Variants in RIPOR2 observed in about 807,000 individuals in gnomAD.
RIPOR2 encodes rho family-interacting cell polarization regulator 2.
In RIPOR2, 39 loss-of-function variants were observed where a neutral mutation model predicts 114.5. That is an observed-to-expected ratio of 0.34 (90% CI 0.26 to 0.44). The LOEUF is 0.44. Among genes scored for constraint, RIPOR2 ranks in the 20% least tolerant of loss-of-function variants. The pLI, the probability that RIPOR2 is intolerant of heterozygous loss-of-function variation, is 1.00. For missense variants in RIPOR2, 1,007 were observed against 1,255.1 expected, an observed-to-expected ratio of 0.80 and a Z score of 2.99; for synonymous variants, 445 against 484.4, an observed-to-expected ratio of 0.92 and a Z score of 1.07.
At chr6:25,010,331 C>T (rs947672233) in intron 1 of RIPOR2, among the ~76,000 whole-genome samples, 2 of 152,108 alleles carry the variant, frequency 1.3e-5, no homozygotes, top group Non-Finnish European at 2.9e-5. Flanking sequence ...CCCCTTTCCT[C>T]CTCTGTCACC....
At chr6:24,925,361 C>A (rs1212060846) in intron 1 of RIPOR2, among the ~76,000 whole-genome samples, 1 of 152,172 alleles carries the variant, frequency 6.6e-6, no homozygotes, top group African/African-American at 2.4e-5. Context: ...TTGCATAGGG[C>A]AGATGATGCT....
At chr6:24,890,051 G>A (rs980619047) in intron 1 of RIPOR2, among the ~76,000 whole-genome samples, 2 of 151,922 alleles carry the variant, frequency 1.3e-5, no homozygotes, top group Admixed American at 6.6e-5. Flanking sequence ...GCGCCACCAC[G>A]CCTGGCTAAT....
At chr6:25,014,850 G>C (rs1350377337) in intron 1 of RIPOR2, 3 of 152,182 alleles carry the variant, frequency 2.0e-5, no homozygotes, top group East Asian at 3.8e-4. Flanking sequence ...GAGCCCACGA[G>C]TGTGTGAGAA....
chr6:24,903,253 A>G (rs775052532), intron 1 of RIPOR2, among the ~76,000 whole-genome samples: 1 of 152,234 alleles, frequency 6.6e-6, no homozygotes, highest in African/African-American at 2.4e-5. Flanking sequence ...AAGAGTTAGT[A>G]TTCCAGCCAA....
At chr6:24,953,113 C>A (rs191058268) in intron 1 of RIPOR2, among the ~76,000 whole-genome samples, 1 of 152,290 alleles carries the variant, frequency 6.6e-6, no homozygotes, top group Admixed American at 6.5e-5. Context: ...GCGGGCGGAT[C>A]ACCTGAGGTC....
intron 1 of RIPOR2, among the ~76,000 whole-genome samples, chr6:24,979,844 C>T (rs1187312545): frequency 6.6e-6 from 1 of 152,084 alleles, no homozygotes; most frequent in Admixed American, 6.5e-5. Flanking sequence ...TTGTAAGTAA[C>T]CAGTCTCTTA....
intron 1 of RIPOR2, among the ~76,000 whole-genome samples, chr6:24,945,814 A>G (rs1381444582): frequency 6.6e-6 from 1 of 152,142 alleles, no homozygotes; most frequent in Non-Finnish European, 1.5e-5. Context: ...TTTAGCACAA[A>G]TAATTCAGTG....
intron 4 of RIPOR2, among the ~76,000 whole-genome samples, chr6:24,871,394 C>T (rs968706227): frequency 6.6e-6 from 1 of 152,208 alleles, no homozygotes; most frequent in Non-Finnish European, 1.5e-5. Flanking sequence ...CTCTTTTGCC[C>T]AGGCTGGAGT....
intron 10 of RIPOR2, 35 bp from the exon 11 acceptor site, chr6:24,849,985 T>C (rs768627174): frequency 6.3e-7 from 1 of 1,586,724 alleles, no homozygotes; most frequent in Admixed American, 1.7e-5. Flanking sequence ...AGGCCTTACA[T>C]CACAGCAGAG....
chr6:24,818,700 C>T, intron 19 of RIPOR2, 75 bp from the exon 20 acceptor site: 1 of 830,268 alleles, frequency 1.2e-6, no homozygotes, highest in East Asian at 2.8e-5. Flanking sequence ...CATTCTTACT[C>T]TCTGAGATAA....
chr6:24,866,508 A>T (rs1025137449), intron 6 of RIPOR2, among the ~76,000 whole-genome samples: 1 of 131,900 alleles, frequency 7.6e-6, no homozygotes, highest in Non-Finnish European at 1.6e-5. Flanking sequence ...CAGTAGTGCT[A>T]GGGTTGAAAA....
chr6:25,032,103 G>A (rs1777013623), intron 1 of RIPOR2, among the ~76,000 whole-genome samples: 1 of 151,148 alleles, frequency 6.6e-6, no homozygotes, highest in African/African-American at 2.4e-5. Context: ...GAAGAGCTGA[G>A]CTCTTGGGGT....
rs560772323 is a variant in RIPOR2, at chr6:24,869,628, A to AT, written c.448-482dup. 3.8e-3 allele frequency among the ~76,000 whole-genome samples: 574 copies of AT among 152,124 alleles called. 2 individuals are homozygous for AT. Among genetic ancestry groups the AT allele is most frequent in the Middle Eastern group, 0.01 (3 of 294 alleles). On this transcript the variant is annotated intron_variant, in intron 5 of 21. Transcript: ENST00000643898. ...CCACCATGCCCGGCCCTGGAAATTT[A>AT]TTTTTTTAATATTGAATAAATATTT...
chr6:24,841,721 G>A (rs1315118891), intron 13 of RIPOR2, among the ~76,000 whole-genome samples: 5 of 151,318 alleles, frequency 3.3e-5, no homozygotes, highest in African/African-American at 9.7e-5. Context: ...TGGCTCAAGC[G>A]ATTCTTCCAC....
At chr6:24,904,575 A>G (rs1768782096) in intron 1 of RIPOR2, among the ~76,000 whole-genome samples, 1 of 152,234 alleles carries the variant, frequency 6.6e-6, no homozygotes, top group African/African-American at 2.4e-5. Flanking sequence ...GGTTCCTGGC[A>G]TTAGGACATG....
chr6:25,027,414 C>A (rs1204745927), intron 1 of RIPOR2, among the ~76,000 whole-genome samples: 1 of 152,222 alleles, frequency 6.6e-6, no homozygotes, highest in African/African-American at 2.4e-5. Context: ...ACGAGCTGGC[C>A]TCTGTGGGAG....
chr6:25,039,727 A>G (rs1295840161), intron 1 of RIPOR2, among the ~76,000 whole-genome samples: 1 of 152,216 alleles, frequency 6.6e-6, no homozygotes, highest in East Asian at 1.9e-4. Context: ...GAGGTATTGG[A>G]TTAAAACTTA....
intron 1 of RIPOR2, chr6:25,014,867 G>A (rs541399750): frequency 1.3e-5 from 2 of 152,216 alleles, no homozygotes; most frequent in Non-Finnish European, 2.9e-5. Context: ...AGAAGGGCCC[G>A]AGGGATCATT....
intron 1 of RIPOR2, among the ~76,000 whole-genome samples, chr6:24,924,542 C>T (rs894251013): frequency 9.2e-5 from 14 of 152,136 alleles, no homozygotes; most frequent in African/African-American, 3.1e-4. Flanking sequence ...CTTCTGTTCC[C>T]TCCCCAACCC....
Sources: gnomAD v4.1 joint callset for allele counts (sites outside exome capture counted in the v4.1 genomes callset) on GRCh38, gnomAD v4.1.1 for gene constraint, MANE v1.5 for transcripts, NCBI Gene and HGNC (gene_info 2026-07-23, HGNC 2026-07-21) for gene names.